Variants in FAM76B observed in about 807,000 individuals in gnomAD.
FAM76B encodes the protein protein FAM76B.
In FAM76B, 16 loss-of-function variants were observed where a neutral mutation model predicts 51.8. That is an observed-to-expected ratio of 0.31 (90% CI 0.21 to 0.47). The LOEUF (loss-of-function observed/expected upper bound fraction) is 0.47, where lower values mean the gene tolerates loss of function less well. FAM76B is among the 20% of genes least tolerant of loss of function. FAM76B has a pLI of 1.00. For synonymous variants in FAM76B, 166 were observed against 129.5 expected, an observed-to-expected ratio of 1.28 and a Z score of -1.91; for missense variants, 342 against 392.6, an observed-to-expected ratio of 0.87 and a Z score of 1.09.
intron 8 of FAM76B, among the ~76,000 whole-genome samples, chr11:95,777,160 G>C (rs1860047880): frequency 6.6e-6 from 1 of 151,302 alleles, no homozygotes; most frequent in Non-Finnish European, 1.5e-5. Context: ...CTAGTTCAGT[G>C]TCTGGCTCTA....
intron 9 of FAM76B, among the ~76,000 whole-genome samples, chr11:95,773,708 A>G (rs1859873790): frequency 6.6e-6 from 1 of 151,288 alleles, no homozygotes; most frequent in African/African-American, 2.4e-5. Context: ...TTAGCCTAAC[A>G]CAGTTCCTGG....
chr11:95,771,493 A>C lies in FAM76B; in HGVS notation c.*68T>G, dbSNP rs757476270. 3.9e-6 allele frequency: 5 copies of C among 1,274,084 alleles called. No homozygotes were observed. Among genetic ancestry groups the C allele is most frequent in the Non-Finnish European group, 5.6e-6 (5 of 886,224 alleles). The allele number at this position is 1,274,084 out of a possible 1,614,324, so 78.9% of individuals were successfully genotyped here. ...AATATTTTTCTACTACACAGAATTT[A>C]AGGGCTTCACAGAATTTTTTTTCCC... On this transcript the variant is annotated 3_prime_UTR_variant, in exon 10 of 10. Transcript: ENST00000358780.
intron 9 of FAM76B, 26 bp from the exon 10 acceptor site, chr11:95,771,676 T>C (rs1859772700): frequency 6.4e-7 from 1 of 1,552,812 alleles, no homozygotes; most frequent in Non-Finnish European, 8.9e-7. Flanking sequence ...ACATTCAAGA[T>C]TAAAAATGTT....
rs1219663542 is a variant in FAM76B at position 95,789,745 on chromosome 11, G to A, written c.-267C>T. The A allele has an allele frequency of 4.4e-6, 2 of 456,486 alleles. No homozygotes were observed. The highest frequency in any genetic ancestry group is 7.7e-6 in the Non-Finnish European group (2 of 259,430). The allele number at this position is 456,486 out of a possible 1,614,324, so 28.3% of individuals were successfully genotyped here. On this transcript the variant is annotated 5_prime_UTR_variant, in exon 1 of 10. Transcript: ENST00000358780. ...GATAGCGGCGGAGGGAGACGAAGCGGGTAGGGGGTTGCTGTTTAGCTGTGC... is the reference window on the plus strand; with the variant it reads ...GATAGCGGCGGAGGGAGACGAAGCGAGTAGGGGGTTGCTGTTTAGCTGTGC...
intron 2 of FAM76B, 110 bp from the exon 3 acceptor site, chr11:95,787,788 G>A (rs61902249): frequency 0.019 from 16,427 of 868,020 alleles, 223 homozygotes; most frequent in Middle Eastern, 0.024. Context: ...CTTTAATAAG[G>A]ACCACGGATT....
intron 8 of FAM76B, among the ~76,000 whole-genome samples, chr11:95,776,485 G>A (rs1860013354): frequency 6.6e-6 from 1 of 151,456 alleles, no homozygotes; most frequent in Admixed American, 6.6e-5. Flanking sequence ...GGTCTTTTCA[G>A]CCAAAAGCTA....
In FAM76B at chr11:95,789,426, A is replaced by G; in HGVS notation, c.53T>C (p.Phe18Ser). Residue 18 changes from phenylalanine (F) to serine (S), a missense_variant, in exon 1 of 10, where the codon TTC becomes TCC. Phe to Ser is a radical substitution (Grantham distance 155). Coordinates refer to ENST00000358780, the MANE Select transcript of FAM76B (RefSeq NM_144664.5). The part of the protein sequence containing the change: ...ACTKCTQRYP[F>S]EELSQGQQLC... Reference sequence around the variant, plus strand: ...CTGCTGGCCCTGGGAGAGCTCCTCGAAAGGATAACGCTGGGTACACTTGGT... The same window carrying G: ...CTGCTGGCCCTGGGAGAGCTCCTCGGAAGGATAACGCTGGGTACACTTGGT... 6.2e-7 allele frequency: 1 copy of G among 1,609,322 alleles called. No homozygotes were observed. The highest frequency in any genetic ancestry group is 8.5e-7 in the Non-Finnish European group (1 of 1,178,014).
intron 1 of FAM76B, chr11:95,789,122 A>C (rs1591031412): frequency 7.4e-7 from 1 of 1,356,558 alleles, no homozygotes; most frequent in Non-Finnish European, 9.7e-7. Context: ...GCCTCACTCA[A>C]CCCCACTCCT....
At chr11:95,773,312 TC>T (rs1167963747) in intron 9 of FAM76B, among the ~76,000 whole-genome samples, 1 of 150,974 alleles carries the variant, frequency 6.6e-6, no homozygotes, top group Non-Finnish European at 1.5e-5. Context: ...AAGACAAAAG[TC>T]TTTATGGTAA....
At chr11:95,782,889 G>A (rs1860350111) in intron 5 of FAM76B, among the ~76,000 whole-genome samples, 176 bp downstream of exon 5, 1 of 152,252 alleles carries the variant, frequency 6.6e-6, no homozygotes, top group African/African-American at 2.4e-5. Context: ...CATATTTCAT[G>A]TATATAACAT....
In FAM76B at chr11:95,789,449, G is replaced by C. The variant is rs767977647; in HGVS notation, c.30C>G (p.Thr10=). The C allele has an allele frequency of 6.2e-7, 1 of 1,609,566 alleles. No homozygotes were observed. Among genetic ancestry groups the C allele is most frequent in the Admixed American group, 1.7e-5 (1 of 59,672 alleles). Residue 10 remains threonine, a synonymous_variant, in exon 1 of 10, where the codon ACC becomes ACG. Transcript: ENST00000358780. ...CGAAAGGATAACGCTGGGTACACTT[G>C]GTGCAGGCGTACAGGGCCGAGGCCG... The part of the protein sequence containing the change: MAASALYAC[T]KCTQRYPFEE...
At chr11:95,775,256 C>CA (rs1220735274) in intron 9 of FAM76B, among the ~76,000 whole-genome samples, 1 of 151,462 alleles carries the variant, frequency 6.6e-6, no homozygotes, top group Non-Finnish European at 1.5e-5. Flanking sequence ...AATATGGTAG[C>CA]ATTCTGTATC....
chr11:95,788,528 A>G lies in FAM76B; in HGVS notation c.123T>C (p.Thr41=). 1.2e-6 allele frequency: 2 copies of G among 1,613,028 alleles called. No homozygotes were observed. The highest frequency in any genetic ancestry group is 1.7e-6 in the Non-Finnish European group (2 of 1,179,642). ...CTTGTTGAAATTCTGATCTGCAGTA[A>G]GTACATTTTACAATAGGATGTGCAA... ...CRIAHPIVKC[T]YCRSEFQQES... The change falls in exon 2 of 10, where the codon ACT becomes ACC. Residue 41 remains threonine (T), a synonymous_variant. Transcript: ENST00000358780.
Position 95,771,479 on chromosome 11 carries a change from A to G in FAM76B, c.*82T>C. The stretch of plus-strand genomic sequence containing the variant: ...ATTTGGTGTGCAAAAATATTTTTCT[A>G]CTACACAGAATTTAAGGGCTTCACA... On this transcript the variant is annotated 3_prime_UTR_variant, in exon 10 of 10. Coordinates refer to ENST00000358780, the MANE Select transcript of FAM76B (RefSeq NM_144664.5). 9.6e-7 allele frequency: 1 copy of G among 1,044,904 alleles called. No individual in the cohort carries two copies. Among genetic ancestry groups the G allele is most frequent in the Non-Finnish European group, 1.4e-6 (1 of 699,746 alleles). The allele number at this position is 1,044,904 out of a possible 1,614,324, so 64.7% of individuals were successfully genotyped here.
chr11:95,782,313 AT>A (rs1410657497), intron 5 of FAM76B, among the ~76,000 whole-genome samples: 1 of 151,544 alleles, frequency 6.6e-6, no homozygotes, highest in Non-Finnish European at 1.5e-5. Context: ...CTATAGGAGA[AT>A]TTTTTTTTCC....
At chr11:95,784,552 C>CA (rs1257995598) in intron 4 of FAM76B, among the ~76,000 whole-genome samples, 1 of 149,670 alleles carries the variant, frequency 6.7e-6, no homozygotes, top group Admixed American at 6.7e-5. Flanking sequence ...AATTAATCGA[C>CA]AGTGTGTGTG....
At chr11:95,788,895 G>T (rs1242621415) in intron 1 of FAM76B, 2 of 1,360,856 alleles carry the variant, frequency 1.5e-6, no homozygotes, top group Non-Finnish European at 1.9e-6. Context: ...TTAATGGGAT[G>T]GGAGGAGCTC....
chr11:95,776,800 T>G (rs1418626180), intron 8 of FAM76B, among the ~76,000 whole-genome samples: 1 of 151,364 alleles, frequency 6.6e-6, no homozygotes, highest in Non-Finnish European at 1.5e-5. Flanking sequence ...CTCCAGGTTA[T>G]TTTTTAATGT....
In FAM76B at chr11:95,770,358, T is replaced by C. The variant is rs529288237; in HGVS notation, c.*1203A>G. 4.0e-4 allele frequency: 61 copies of C among 151,946 alleles called. No homozygotes were observed. Among genetic ancestry groups the C allele is most frequent in the African/African-American group, 1.4e-3 (57 of 41,500 alleles). 9.4% of individuals were successfully genotyped at this position (151,946 alleles called of 1,614,324 possible). A position where few individuals can be genotyped will look rare whatever the true frequency, so the allele number is the denominator to read the frequency against. On this transcript the variant is annotated 3_prime_UTR_variant, in exon 10 of 10. Coordinates refer to ENST00000358780, the MANE Select transcript of FAM76B (RefSeq NM_144664.5). The stretch of plus-strand genomic sequence containing the variant: ...CAATTTATTCAAAGATTATCACAGA[T>C]TGGATTAAAAAGATCATTTAATTTT...
Sources: allele counts gnomAD v4.1 joint callset (sites outside exome capture counted in the v4.1 genomes callset), GRCh38; gene constraint gnomAD v4.1.1; transcripts MANE v1.5; gene names NCBI Gene and HGNC (gene_info 2026-07-23, HGNC 2026-07-21).